TCF20: variants seen among roughly 807,000 people sequenced by gnomAD.
TCF20 encodes the protein SPRE-binding protein.
Under a neutral mutation model 148.6 loss-of-function variants are expected in TCF20, and 3 were observed. The ratio of observed to expected loss-of-function variants is 0.02; its 90% CI spans 0.01 to 0.05. The LOEUF (loss-of-function observed/expected upper bound fraction) is 0.05. Among genes scored for constraint, TCF20 ranks in the 10% least tolerant of loss-of-function variants. The pLI is 1.00. For synonymous variants in TCF20, 1,049 were observed against 909.5 expected (o/e 1.15, Z -2.76); for missense variants, 2,350 against 2,429.3 (o/e 0.97, Z 0.69).
At chr22:42,341,289 G>A (rs1233468905) in intron 1 of TCF20, among the ~76,000 whole-genome samples, 2 of 152,248 alleles carry the variant, frequency 1.3e-5, no homozygotes, top group Non-Finnish European at 2.9e-5. Flanking sequence ...TCCCTCTCCC[G>A]ACAGGTCAAT....
intron 1 of TCF20, among the ~76,000 whole-genome samples, chr22:42,294,972 G>A (rs1054715373): frequency 6.6e-6 from 1 of 152,190 alleles, no homozygotes; most frequent in Admixed American, 6.5e-5. Flanking sequence ...GATTGAGGCT[G>A]CCCAAGGAAA....
At chr22:42,178,445 C>T (rs1185869476) in intron 3 of TCF20, among the ~76,000 whole-genome samples, 1 of 150,092 alleles carries the variant, frequency 6.7e-6, no homozygotes, top group Admixed American at 6.6e-5. Flanking sequence ...AGTATCAGAA[C>T]CAAGCTAAAC....
intron 3 of TCF20, among the ~76,000 whole-genome samples, chr22:42,179,035 AT>A (rs1342937623): frequency 6.8e-6 from 1 of 147,558 alleles, no homozygotes; most frequent in Non-Finnish European, 1.5e-5. Flanking sequence ...GCTGGCTACA[AT>A]TAAAAAAAAA....
intron 1 of TCF20, among the ~76,000 whole-genome samples, chr22:42,289,793 C>G (rs924510214): frequency 6.6e-6 from 1 of 152,034 alleles, no homozygotes; most frequent in Non-Finnish European, 1.5e-5. Context: ...CAGCCTGCCC[C>G]GGGCACAGCT....
intron 1 of TCF20, among the ~76,000 whole-genome samples, chr22:42,231,712 A>G (rs1923418721): frequency 6.6e-6 from 1 of 152,056 alleles, no homozygotes; most frequent in Non-Finnish European, 1.5e-5. Context: ...GGTGGATCAC[A>G]AGGTCAGCAG....
intron 2 of TCF20, among the ~76,000 whole-genome samples, chr22:42,197,018 C>A (rs921650186): frequency 6.6e-6 from 1 of 152,214 alleles, no homozygotes; most frequent in Non-Finnish European, 1.5e-5. Flanking sequence ...GTGCATACAA[C>A]CAAAATCACT....
At chr22:42,193,986 G>A (rs1937471977) in intron 2 of TCF20, among the ~76,000 whole-genome samples, 1 of 152,090 alleles carries the variant, frequency 6.6e-6, no homozygotes, top group African/African-American at 2.4e-5. Context: ...TAGAGGATGG[G>A]ACTGGTCAGA....
intron 1 of TCF20, among the ~76,000 whole-genome samples, chr22:42,234,402 C>T (rs1264821670): frequency 1.3e-5 from 2 of 152,108 alleles, no homozygotes; most frequent in Admixed American, 6.5e-5. Flanking sequence ...AGCCAATGAA[C>T]CTTTTTACAG....
intron 2 of TCF20, among the ~76,000 whole-genome samples, chr22:42,188,660 G>A (rs1937177306): frequency 6.6e-6 from 1 of 152,224 alleles, no homozygotes; most frequent in African/African-American, 2.4e-5. Flanking sequence ...AAGACACTGT[G>A]TGATCAAGGT....
chr22:42,256,258 G>C (rs1395547577), intron 1 of TCF20, among the ~76,000 whole-genome samples: 1 of 152,190 alleles, frequency 6.6e-6, no homozygotes, highest in Non-Finnish European at 1.5e-5. Flanking sequence ...CTCTCCCACA[G>C]ACCCTGAACT....
chr22:42,238,015 A>G (rs1026147350), intron 1 of TCF20, among the ~76,000 whole-genome samples: 8 of 152,160 alleles, frequency 5.3e-5, no homozygotes, highest in South Asian at 2.1e-4. Flanking sequence ...CCAGCTCCTA[A>G]TAACAGTCAG....
intron 1 of TCF20, among the ~76,000 whole-genome samples, chr22:42,336,397 CAG>C (rs1178599481): frequency 6.6e-6 from 1 of 152,040 alleles, no homozygotes; most frequent in Non-Finnish European, 1.5e-5. Flanking sequence ...GCACTCCAGC[CAG>C]AGGTTCCCTG....
At chr22:42,174,698 G>GT (rs1364518159) in intron 3 of TCF20, among the ~76,000 whole-genome samples, 1 of 152,052 alleles carries the variant, frequency 6.6e-6, no homozygotes, top group East Asian at 1.9e-4. Context: ...GGGCAACACA[G>GT]TGAGACCCTG....
At chr22:42,227,111 C>T (rs565549902) in intron 1 of TCF20, among the ~76,000 whole-genome samples, 1 of 152,144 alleles carries the variant, frequency 6.6e-6, no homozygotes, top group South Asian at 2.1e-4. Context: ...AGTGAAACCC[C>T]GTCTCTACTA....
At chr22:42,240,750 C>G (rs774150145) in intron 1 of TCF20, among the ~76,000 whole-genome samples, 1 of 152,066 alleles carries the variant, frequency 6.6e-6, no homozygotes, top group South Asian at 2.1e-4. Context: ...AACTGAGGCC[C>G]CATAGGGCTG....
At chr22:42,170,423 G>C (rs1443609675) in intron 3 of TCF20, among the ~76,000 whole-genome samples, 1 of 151,194 alleles carries the variant, frequency 6.6e-6, no homozygotes, top group Non-Finnish European at 1.5e-5. Flanking sequence ...TGAGAAGACT[G>C]CTTGAGCCCA....
intron 2 of TCF20, among the ~76,000 whole-genome samples, chr22:42,206,463 G>A (rs1938393380): frequency 1.3e-5 from 2 of 152,118 alleles, no homozygotes; most frequent in South Asian, 4.1e-4. Context: ...GGAAAGTTGG[G>A]AAGCAAGAAC....
intron 1 of TCF20, among the ~76,000 whole-genome samples, chr22:42,256,396 T>A (rs1159073111): frequency 6.6e-6 from 1 of 152,206 alleles, no homozygotes; most frequent in South Asian, 2.1e-4. Flanking sequence ...TTCATTCCCA[T>A]AGGCTTCATT....
chr22:42,291,889 C>T (rs1034135203), intron 1 of TCF20, among the ~76,000 whole-genome samples: 1 of 151,934 alleles, frequency 6.6e-6, no homozygotes. Flanking sequence ...TGGGGCCCTA[C>T]CCAATTCCTT....
Sources: allele counts gnomAD v4.1 joint callset (sites outside exome capture counted in the v4.1 genomes callset), GRCh38; gene constraint gnomAD v4.1.1; transcripts MANE v1.5; gene names NCBI Gene and HGNC (gene_info 2026-07-23, HGNC 2026-07-21).